PARN: variants seen among roughly 807,000 people sequenced by gnomAD.
PARN encodes the protein poly(A)-specific ribonuclease, also known as poly(A)-specific ribonuclease PARN.
Under a neutral mutation model 102.8 loss-of-function variants are expected in PARN, and 71 were observed. That is an observed-to-expected ratio of 0.69 (90% CI 0.57 to 0.84). The LOEUF (loss-of-function observed/expected upper bound fraction) is 0.84, where lower values mean the gene tolerates loss of function less well. Ranked by LOEUF, PARN falls within the 40% of genes least tolerant of loss-of-function variation. PARN has a pLI of 0.00. For synonymous variants in PARN, 261 were observed against 252.9 expected (o/e 1.03, Z -0.30); for missense variants, 782 against 760.9 (o/e 1.03, Z -0.33).
At chr16:14,603,869 A>G (rs986588129) in intron 11 of PARN, among the ~76,000 whole-genome samples, 1 of 152,236 alleles carries the variant, frequency 6.6e-6, no homozygotes, top group Non-Finnish European at 1.5e-5. Context: ...AGTGACACTC[A>G]GTGACACAAG....
chr16:14,580,531 C>T (rs990741726), intron 18 of PARN, among the ~76,000 whole-genome samples: 2 of 152,156 alleles, frequency 1.3e-5, no homozygotes, highest in Non-Finnish European at 2.9e-5. Flanking sequence ...AAGCACTCTG[C>T]CCACCTCAGC....
chr16:14,519,951 C>G (rs565170825), intron 21 of PARN, among the ~76,000 whole-genome samples: 2 of 152,038 alleles, frequency 1.3e-5, no homozygotes, highest in East Asian at 3.9e-4. Flanking sequence ...AAATCACACA[C>G]AAAAAGAGAG....
chr16:14,497,722 T>A (rs1349986583), intron 21 of PARN, among the ~76,000 whole-genome samples: 1 of 152,200 alleles, frequency 6.6e-6, no homozygotes, highest in Non-Finnish European at 1.5e-5. Flanking sequence ...TATAAGCTAA[T>A]ATAGGAGCTG....
chr16:14,511,785 C>T (rs1965202701), intron 21 of PARN, among the ~76,000 whole-genome samples: 1 of 152,170 alleles, frequency 6.6e-6, no homozygotes, highest in Admixed American at 6.5e-5. Flanking sequence ...ACTGCAGCCT[C>T]GAACTCCTGG....
chr16:14,549,116 T>G (rs571567091), intron 21 of PARN, among the ~76,000 whole-genome samples: 1 of 152,196 alleles, frequency 6.6e-6, no homozygotes, highest in South Asian at 2.1e-4. Context: ...AAAGATGGCT[T>G]CTTCTGGCAA....
intron 21 of PARN, among the ~76,000 whole-genome samples, chr16:14,546,491 G>C (rs986972021): frequency 1.3e-5 from 2 of 152,068 alleles, no homozygotes; most frequent in Non-Finnish European, 2.9e-5. Context: ...TTGAGTTCCT[G>C]CCTCTTCTAA....
At chr16:14,532,244 T>C (rs368082127) in intron 21 of PARN, among the ~76,000 whole-genome samples, 1 of 150,196 alleles carries the variant, frequency 6.7e-6, no homozygotes, top group African/African-American at 2.5e-5. Context: ...GGCAGGGTCA[T>C]AGGACAATAG....
intron 21 of PARN, among the ~76,000 whole-genome samples, chr16:14,497,119 A>C (rs181638230): frequency 6.6e-6 from 1 of 152,222 alleles, no homozygotes; most frequent in East Asian, 1.9e-4. Flanking sequence ...TACTTTTACT[A>C]CATGAAACCC....
intron 6 of PARN, among the ~76,000 whole-genome samples, chr16:14,612,205 G>T (rs894523678): frequency 6.6e-6 from 1 of 152,138 alleles, no homozygotes; most frequent in Non-Finnish European, 1.5e-5. Flanking sequence ...TTGAGAGGCC[G>T]AGGCGGGCGG....
At chr16:14,586,178 GT>G in intron 14 of PARN, 139 bp downstream of exon 14, 1 of 591,450 alleles carries the variant, frequency 1.7e-6, no homozygotes, top group South Asian at 2.3e-5. Context: ...GTTTCACTAT[GT>G]TGCCCAGGCT....
chr16:14,446,825 A>G, intron 23 of PARN, 63 bp downstream of exon 23: 1 of 1,166,628 alleles, frequency 8.6e-7, no homozygotes, highest in Non-Finnish European at 1.2e-6. Flanking sequence ...CCCCCAAAAT[A>G]GGAGTTTCTA....
intron 6 of PARN, among the ~76,000 whole-genome samples, chr16:14,615,005 G>A (rs1277582500): frequency 2.6e-5 from 4 of 151,980 alleles, no homozygotes. Flanking sequence ...GGCTACAGGG[G>A]GAAACTAACA....
At chr16:14,586,473 C>G in intron 13 of PARN, 112 bp from the exon 14 acceptor site, 1 of 646,408 alleles carries the variant, frequency 1.5e-6, no homozygotes, top group Non-Finnish European at 2.7e-6. Context: ...CTGTTGGGGC[C>G]CTTAAGCTAA....
intron 21 of PARN, among the ~76,000 whole-genome samples, chr16:14,521,816 T>A (rs1242162895): frequency 6.6e-6 from 1 of 150,918 alleles, no homozygotes. Context: ...AAAAAAAAAA[T>A]ACACGTAACC....
chr16:14,595,907 C>T (rs147102608), intron 12 of PARN, among the ~76,000 whole-genome samples: 1 of 152,228 alleles, frequency 6.6e-6, no homozygotes, highest in Non-Finnish European at 1.5e-5. Context: ...TGAAGCAGTC[C>T]TCCTGCCTTG....
At chr16:14,504,273 G>A (rs185340598) in intron 21 of PARN, among the ~76,000 whole-genome samples, 3 of 152,276 alleles carry the variant, frequency 2.0e-5, no homozygotes, top group Non-Finnish European at 2.9e-5. Context: ...ATGTGAGGTT[G>A]AGGGAGGCCG....
At chr16:14,465,855 A>G (rs1336746522) in intron 22 of PARN, among the ~76,000 whole-genome samples, 2 of 152,222 alleles carry the variant, frequency 1.3e-5, no homozygotes, top group African/African-American at 4.8e-5. Context: ...ATCAAGAAGT[A>G]TGGATGGAGC....
At chr16:14,476,519 A>T (rs1963059895) in intron 22 of PARN, among the ~76,000 whole-genome samples, 1 of 152,206 alleles carries the variant, frequency 6.6e-6, no homozygotes, top group Non-Finnish European at 1.5e-5. Flanking sequence ...ACTCAAAAGT[A>T]GCCACAGGCA....
chr16:14,603,057 A>C (rs1175206184), intron 11 of PARN, among the ~76,000 whole-genome samples: 1 of 152,052 alleles, frequency 6.6e-6, no homozygotes, highest in Admixed American at 6.6e-5. Context: ...AGTAGCTAGG[A>C]CTACAGGCGC....
Sources: gnomAD v4.1 joint callset for allele counts (sites outside exome capture counted in the v4.1 genomes callset) on GRCh38, gnomAD v4.1.1 for gene constraint, MANE v1.5 for transcripts, NCBI Gene and HGNC (gene_info 2026-07-23, HGNC 2026-07-21) for gene names.